Variants in DPP10 observed in about 807,000 individuals in gnomAD.
DPP10 encodes dipeptidyl peptidase like 10, also known as inactive dipeptidyl peptidase 10.
Under a neutral mutation model 120.9 loss-of-function variants are expected in DPP10, and 33 were observed. The observed-to-expected ratio is 0.27, with a 90% confidence interval of 0.21 to 0.37. DPP10 has a LOEUF of 0.37. Ranked by LOEUF, DPP10 falls within the 10% of genes least tolerant of loss-of-function variation. The pLI is 1.00. For synonymous variants in DPP10, 337 were observed against 326.1 expected (o/e 1.03, Z -0.36); for missense variants, 816 against 942.8 (o/e 0.87, Z 1.76).
intron 1 of DPP10, among the ~76,000 whole-genome samples, chr2:114,873,900 A>G (rs1011693090): frequency 5.3e-5 from 8 of 152,156 alleles, no homozygotes; most frequent in African/African-American, 1.4e-4. Context: ...GCACATTTCA[A>G]TGACACAGAA....
intron 1 of DPP10, among the ~76,000 whole-genome samples, chr2:114,709,362 G>C (rs1276141595): frequency 6.6e-6 from 1 of 152,078 alleles, no homozygotes; most frequent in Non-Finnish European, 1.5e-5. Flanking sequence ...TGCTATTTCT[G>C]ATCTCTAAGT....
intron 1 of DPP10, among the ~76,000 whole-genome samples, chr2:115,275,283 C>A (rs2059865398): frequency 6.6e-6 from 1 of 152,176 alleles, no homozygotes; most frequent in Non-Finnish European, 1.5e-5. Context: ...AAATAATAGT[C>A]TCTCTCTATC....
intron 21 of DPP10, among the ~76,000 whole-genome samples, chr2:115,823,901 G>T (rs1235805378): frequency 1.3e-5 from 2 of 152,188 alleles, no homozygotes; most frequent in Non-Finnish European, 2.9e-5. Context: ...CTCAAGGAAA[G>T]AAAAGATGAT....
chr2:115,154,130 A>C (rs2051743674), intron 1 of DPP10, among the ~76,000 whole-genome samples: 1 of 152,248 alleles, frequency 6.6e-6, no homozygotes. Flanking sequence ...GAGGAATTTA[A>C]GCTGTATTTA....
At chr2:114,793,693 T>C (rs1308211047) in intron 1 of DPP10, among the ~76,000 whole-genome samples, 1 of 152,172 alleles carries the variant, frequency 6.6e-6, no homozygotes, top group African/African-American at 2.4e-5. Flanking sequence ...ACTTTGGCCA[T>C]CGGCAAATTA....
chr2:114,908,759 A>T (rs916847591), intron 1 of DPP10, among the ~76,000 whole-genome samples: 1 of 151,702 alleles, frequency 6.6e-6, no homozygotes, highest in African/African-American at 2.4e-5. Context: ...TATATAATTT[A>T]TTCTTTATTC....
chr2:115,541,488 G>A (rs1306328796), intron 5 of DPP10, among the ~76,000 whole-genome samples: 2 of 151,808 alleles, frequency 1.3e-5, no homozygotes, highest in Non-Finnish European at 1.5e-5. Context: ...GTGTATCTGT[G>A]TGTGTGTGCG....
intron 1 of DPP10, among the ~76,000 whole-genome samples, chr2:114,660,473 G>T (rs1697315676): frequency 6.6e-6 from 1 of 152,064 alleles, no homozygotes; most frequent in African/African-American, 2.4e-5. Context: ...TTAGATCTTG[G>T]ACATATAATA....
chr2:115,654,801 A>G (rs1255230006), intron 5 of DPP10, among the ~76,000 whole-genome samples: 2 of 151,792 alleles, frequency 1.3e-5, no homozygotes, highest in Non-Finnish European at 2.9e-5. Context: ...CCATTAAGAC[A>G]GCAGACGGCA....
chr2:114,778,100 A>C (rs1018358970), intron 1 of DPP10, among the ~76,000 whole-genome samples: 1 of 152,086 alleles, frequency 6.6e-6, no homozygotes, highest in Non-Finnish European at 1.5e-5. Flanking sequence ...AAATAAATAC[A>C]TTACTAAGAA....
intron 5 of DPP10, among the ~76,000 whole-genome samples, chr2:115,568,950 G>C (rs539325124): frequency 3.4e-4 from 51 of 152,126 alleles, no homozygotes; most frequent in African/African-American, 1.2e-3. Context: ...TGTTTCCTTG[G>C]TGTCAATATT....
chr2:115,538,252 T>A (rs1482323534), intron 5 of DPP10, among the ~76,000 whole-genome samples: 1 of 152,014 alleles, frequency 6.6e-6, no homozygotes, highest in Non-Finnish European at 1.5e-5. Flanking sequence ...GAGTTCTGAA[T>A]ACTAGTTAGG....
chr2:115,387,909 A>G (rs912595399), intron 3 of DPP10, among the ~76,000 whole-genome samples: 1 of 152,084 alleles, frequency 6.6e-6, no homozygotes, highest in African/African-American at 2.4e-5. Context: ...GTAAACAGAG[A>G]AAAAAAAGTA....
At chr2:115,117,629 C>T (rs2049590269) in intron 1 of DPP10, among the ~76,000 whole-genome samples, 1 of 152,160 alleles carries the variant, frequency 6.6e-6, no homozygotes, top group Non-Finnish European at 1.5e-5. Flanking sequence ...ATCAAAGTGT[C>T]TGTATTTCTC....
rs776128082 is a variant in DPP10, at chr2:115,777,222, A to G, written c.1236A>G (p.Gln412=). Residue 412 remains glutamine, a synonymous_variant, in exon 14 of 26, where the codon CAA becomes CAG. Coordinates refer to ENST00000410059, the MANE Select transcript of DPP10 (RefSeq NM_020868.6). ...AMFLIQSKSE[Q]ITVRHLTSGN... ...TTTCTTTGCAGAGTAAAAGTGAGCA[A>G]ATTACCGTGCGGCATCTGACATCAG... 2 of 1,613,028 alleles carry G rather than the reference A, an allele frequency of 1.2e-6. 1 individual carries two copies. Among genetic ancestry groups the G allele is most frequent in the South Asian group, 2.2e-5 (2 of 91,050 alleles).
In DPP10 at chr2:114,782,334, T is replaced by C. The variant is rs541665412; in HGVS notation, c.60+339496T>C. Among the ~76,000 whole-genome samples, 3 of 151,580 alleles carry C rather than the reference T, an allele frequency of 2.0e-5. No individual in the cohort carries two copies. The East Asian group carries it at 5.9e-4, about 30-fold the overall frequency. On this transcript the variant is annotated intron_variant, in intron 1 of 25. Coordinates refer to ENST00000410059, the MANE Select transcript of DPP10 (RefSeq NM_020868.6). ...CCTCCAGTGAAACCTGTGGAATATA[T>C]ATATATATATATGGAATATATATAC...
chr2:114,465,997 A>G (rs919691112), intron 1 of DPP10, among the ~76,000 whole-genome samples: 15 of 151,536 alleles, frequency 9.9e-5, no homozygotes, highest in South Asian at 2.1e-4. Context: ...GCTTCCCCCC[A>G]CCCCTACCTG....
intron 5 of DPP10, among the ~76,000 whole-genome samples, chr2:115,655,599 G>A (rs891615732): frequency 1.3e-5 from 2 of 151,286 alleles, no homozygotes; most frequent in Non-Finnish European, 3.0e-5. Context: ...ATATATAGGG[G>A]CGTGTTATCA....
intron 1 of DPP10, among the ~76,000 whole-genome samples, chr2:114,837,582 C>CA (rs1177902189): frequency 7.1e-4 from 103 of 145,624 alleles, no homozygotes; most frequent in Middle Eastern, 3.5e-3. Context: ...TGTTCTCTGT[C>CA]AAAAAAAAAA....
Sources: gnomAD v4.1 joint callset for allele counts (sites outside exome capture counted in the v4.1 genomes callset) on GRCh38, gnomAD v4.1.1 for gene constraint, MANE v1.5 for transcripts, NCBI Gene and HGNC (gene_info 2026-07-23, HGNC 2026-07-21) for gene names.